Variants in ACBD6 observed in about 807,000 individuals in gnomAD.
The protein encoded by ACBD6 is acyl-CoA binding domain containing 6.
In ACBD6, 28 loss-of-function variants were observed where a neutral mutation model predicts 37.2. The observed-to-expected ratio is 0.75, with a 90% CI of 0.56 to 1.03. The LOEUF is 1.03. Ranked by LOEUF, ACBD6 falls within the 50% of genes least tolerant of loss-of-function variation. The pLI is 0.00. For missense variants in ACBD6, 340 were observed against 337.4 expected, an observed-to-expected ratio of 1.01 and a Z score of -0.06; for synonymous variants, 113 against 126.8, an observed-to-expected ratio of 0.89 and a Z score of 0.73.
intron 5 of ACBD6, among the ~76,000 whole-genome samples, chr1:180,404,316 T>C (rs1017974924): frequency 4.6e-5 from 7 of 152,060 alleles, no homozygotes; most frequent in South Asian, 2.1e-4. Context: ...CATGTGAATG[T>C]ATTGTTTTAT....
At chr1:180,331,850 T>G (rs1240134854) in intron 6 of ACBD6, among the ~76,000 whole-genome samples, 1 of 152,192 alleles carries the variant, frequency 6.6e-6, no homozygotes, top group African/African-American at 2.4e-5. Context: ...AGTCAAGAAT[T>G]TGGGCTCCAT....
chr1:180,456,013 C>G (rs1649904965), intron 3 of ACBD6, among the ~76,000 whole-genome samples: 1 of 151,980 alleles, frequency 6.6e-6, no homozygotes, highest in Non-Finnish European at 1.5e-5. Flanking sequence ...GAGTTCGAGA[C>G]CAGCCGGGCC....
At chr1:180,372,787 A>G (rs180827875) in intron 6 of ACBD6, among the ~76,000 whole-genome samples, 361 of 152,294 alleles carry the variant, frequency 2.4e-3, no homozygotes, top group Admixed American at 4.0e-3. Flanking sequence ...TGTCATGGGT[A>G]CAGACTGAAC....
intron 6 of ACBD6, among the ~76,000 whole-genome samples, chr1:180,315,870 G>A (rs1275626549): frequency 6.6e-6 from 1 of 152,128 alleles, no homozygotes. Context: ...TATGAAAGAA[G>A]TAATTTTAGC....
At chr1:180,374,733 A>G (rs951218021) in intron 6 of ACBD6, among the ~76,000 whole-genome samples, 1 of 152,194 alleles carries the variant, frequency 6.6e-6, no homozygotes, top group African/African-American at 2.4e-5. Context: ...TTACACCTTC[A>G]CTTACAGATA....
intron 1 of ACBD6, 88 bp downstream of exon 1, chr1:180,501,957 G>C: frequency 8.0e-7 from 1 of 1,256,908 alleles, no homozygotes. Flanking sequence ...ATTACACCTA[G>C]CTATTAACCA....
chr1:180,320,139 C>T (rs1335839624), intron 6 of ACBD6, among the ~76,000 whole-genome samples: 2 of 152,116 alleles, frequency 1.3e-5, no homozygotes, highest in Admixed American at 1.3e-4. Context: ...TAAGGGTTCC[C>T]TTTTTTCCAC....
chr1:180,411,170 CT>C (rs1404708046), intron 5 of ACBD6, among the ~76,000 whole-genome samples: 1 of 152,192 alleles, frequency 6.6e-6, no homozygotes, highest in Non-Finnish European at 1.5e-5. Context: ...GGAGTAGCTT[CT>C]TATGGATAAG....
Position 180,456,211 on chromosome 1 carries a change from CAAAAAA to C in ACBD6, c.385-25955_385-25950del, listed in dbSNP as rs753205587. Among the ~76,000 whole-genome samples, 35 of 106,770 alleles carry C rather than the reference CAAAAAA, an allele frequency of 3.3e-4. No homozygotes were observed. In the East Asian group the frequency reaches 8.6e-3, roughly 26 times the overall value. 70.0% of individuals were successfully genotyped at this position (106,770 alleles called of 152,430 possible). On this transcript the variant is annotated intron_variant, in intron 3 of 7. Coordinates refer to ENST00000367595, the MANE Select transcript of ACBD6 (RefSeq NM_032360.4). ...TAGGCAACAGAGCGAGACACCATTTCAAAAAAAAAAAAAAAAAGTGACTTAATTTTA... is the reference window on the plus strand; with the variant it reads ...TAGGCAACAGAGCGAGACACCATTTCAAAAAAAAAAAGTGACTTAATTTTA...
intron 5 of ACBD6, among the ~76,000 whole-genome samples, chr1:180,399,329 C>T (rs896525558): frequency 2.0e-5 from 3 of 152,232 alleles, no homozygotes; most frequent in East Asian, 1.9e-4. Flanking sequence ...AGTGCAGTGG[C>T]GGGATCTCCG....
Position 180,502,503 on chromosome 1 carries a change from C to G in ACBD6, c.-237G>C. 1.8e-6 allele frequency: 1 copy of G among 564,718 alleles called. No individual in the cohort carries two copies. Among genetic ancestry groups the G allele is most frequent in the Non-Finnish European group, 3.2e-6 (1 of 313,788 alleles). 35.0% of individuals were successfully genotyped at this position (564,718 alleles called of 1,614,324 possible). On this transcript the variant is annotated 5_prime_UTR_variant, in exon 1 of 8. Transcript: ENST00000367595. ...CTCTGCCCAGTCGACCCGGTCTCCTCCGGCTTCCCTCCGGCCAACAGCGCG... is the reference window on the plus strand; with the variant it reads ...CTCTGCCCAGTCGACCCGGTCTCCTGCGGCTTCCCTCCGGCCAACAGCGCG...
intron 7 of ACBD6, among the ~76,000 whole-genome samples, chr1:180,289,468 G>A (rs1017768561): frequency 3.3e-5 from 5 of 152,318 alleles, no homozygotes; most frequent in African/African-American, 1.2e-4. Context: ...ATAAGGACTG[G>A]AGCAGAGAAA....
chr1:180,313,952 A>G (rs539326792), intron 7 of ACBD6, among the ~76,000 whole-genome samples: 174 of 152,264 alleles, frequency 1.1e-3, no homozygotes, highest in African/African-American at 4.1e-3. Context: ...CATCTTACAG[A>G]TTTTTTTCTA....
exon 14 of ACBD6, chr1:180,271,930 C>A (rs1397137711): frequency 6.2e-7 from 1 of 1,613,134 alleles, no homozygotes; most frequent in East Asian, 2.2e-5. Context: ...TCAAGAGGAG[C>A]CGGGGCAGCA....
intron 9 of ACBD6, chr1:180,278,267 AGTTTT>A (rs1553285599): frequency 6.6e-6 from 1 of 152,170 alleles, no homozygotes; most frequent in Admixed American, 6.5e-5. Flanking sequence ...AGCGGAAATG[AGTTTT>A]GTTTTATTGC....
chr1:180,472,086 G>C (rs1650590324), intron 3 of ACBD6, among the ~76,000 whole-genome samples: 2 of 152,110 alleles, frequency 1.3e-5, no homozygotes, highest in South Asian at 4.1e-4. Context: ...GAAATTTTAG[G>C]AACATAGGTA....
chr1:180,464,234 G>T (rs1650263689), intron 3 of ACBD6, among the ~76,000 whole-genome samples: 1 of 152,176 alleles, frequency 6.6e-6, no homozygotes, highest in Admixed American at 6.5e-5. Flanking sequence ...CAAATAGTAT[G>T]AGAGGAAGTC....
At chr1:180,356,362 G>C (rs944418741) in intron 6 of ACBD6, among the ~76,000 whole-genome samples, 4 of 151,456 alleles carry the variant, frequency 2.6e-5, no homozygotes, top group Non-Finnish European at 4.4e-5. Flanking sequence ...TGTAGAGATG[G>C]GGTTTTACCG....
Position 180,288,457 on chromosome 1 carries a change from G to A in ACBD6, c.755C>T (p.Thr252Ile). The change falls in exon 8 of 8, where the codon ACT becomes ATT. Residue 252 changes from threonine to isoleucine, a missense_variant. Physicochemically the swap from Thr to Ile is moderately conservative, Grantham distance 89 (BLOSUM62 -1). Transcript: ENST00000367595. ...ELLLQSGADP[T>I]LRDQDGCLPE... ...CAGGCAGCCATCCTGGTCTCGGAGA[G>A]TGGGGTCAGCACCAGACTGGAGCAG... The A allele has an allele frequency of 6.2e-7, 1 of 1,613,842 alleles. No homozygotes were observed. The highest frequency in any genetic ancestry group is 8.5e-7 in the Non-Finnish European group (1 of 1,179,984).
Sources: allele counts gnomAD v4.1 joint callset (sites outside exome capture counted in the v4.1 genomes callset), GRCh38; gene constraint gnomAD v4.1.1; transcripts MANE v1.5; gene names NCBI Gene and HGNC (gene_info 2026-07-23, HGNC 2026-07-21).